The following TBXA2R variants were observed in gnomAD, a reference collection of about 807,000 sequenced individuals.
The protein encoded by TBXA2R is prostanoid TP receptor.
TBXA2R carries 15 observed loss-of-function variants against 15.6 expected under a neutral mutation model. The ratio of observed to expected loss-of-function variants is 0.96; its 90% CI spans 0.64 to 1.48. The LOEUF (loss-of-function observed/expected upper bound fraction) is 1.48, where lower values mean the gene tolerates loss of function less well. Ranked by LOEUF, TBXA2R falls within the 40% of genes most tolerant of loss-of-function variation. The probability of loss-of-function intolerance (pLI) is 0.00; values close to 1 mark genes in which losing one functional copy is unlikely to be tolerated. For synonymous variants in TBXA2R, 280 were observed against 241.2 expected (o/e 1.16, Z -1.49); for missense variants, 506 against 491.4 (o/e 1.03, Z -0.28).
chr19:3,600,350 C>T lies in TBXA2R; in HGVS notation c.285G>A (p.Trp95Ter). 1 of 1,613,292 alleles carries T rather than the reference C, an allele frequency of 6.2e-7. No homozygotes were observed. Among genetic ancestry groups the T allele is most frequent in the Non-Finnish European group, 8.5e-7 (1 of 1,179,838 alleles). Reference sequence around the variant, plus strand: ...GACGGCAGCCAGGGTCCACGGCGTGCCACTCGAAGAGCGCGGCGTGCTGGG... The same window carrying T: ...GACGGCAGCCAGGGTCCACGGCGTGTCACTCGAAGAGCGCGGCGTGCTGGG... ...VVSQHAALFE[W>*]HAVDPGCRLC... Residue 95 changes from tryptophan to a stop codon, truncating the protein, a stop_gained, in exon 2 of 3, where the codon TGG becomes TGA. Transcript: ENST00000375190. LOFTEE classifies it high-confidence loss of function.
At position 3,595,533 on chromosome 19, in the gene TBXA2R, C is replaced by T; in HGVS notation, c.*155G>A. ...AAAGGATCAGGGAGGAGTTGGGGGT[C>T]CCCGGGTTGGATTGGGGTCAACCCA... On this transcript the variant is annotated 3_prime_UTR_variant, in exon 3 of 3. Coordinates refer to ENST00000375190, the MANE Select transcript of TBXA2R (RefSeq NM_001060.6). The T allele has an allele frequency of 7.0e-7, 1 of 1,434,736 alleles. No individual in the cohort carries two copies. Among genetic ancestry groups the T allele is most frequent in the Non-Finnish European group, 9.1e-7 (1 of 1,097,374 alleles). 88.9% of individuals were successfully genotyped at this position (1,434,736 alleles called of 1,614,324 possible).
At chr19:3,596,455 C>G (rs1409894572) in intron 2 of TBXA2R, among the ~76,000 whole-genome samples, 1 of 152,086 alleles carries the variant, frequency 6.6e-6, no homozygotes, top group African/African-American at 2.4e-5. Flanking sequence ...CCTGTGATCT[C>G]AGCACTTTGG....
chr19:3,603,111 G>A (rs991745364), intron 1 of TBXA2R, among the ~76,000 whole-genome samples: 3 of 152,170 alleles, frequency 2.0e-5, no homozygotes, highest in Admixed American at 1.3e-4. Context: ...ACAGCACAGC[G>A]GGCACTCAAT....
intron 1 of TBXA2R, among the ~76,000 whole-genome samples, chr19:3,601,977 TTTG>T (rs2032746465): frequency 6.6e-6 from 1 of 150,902 alleles, no homozygotes; most frequent in Non-Finnish European, 1.5e-5. Flanking sequence ...ATCCCAGCAC[TTTG>T]GGAGGCCGAG....
At chr19:3,604,976 A>T (rs1403133251) in intron 1 of TBXA2R, among the ~76,000 whole-genome samples, 3 of 152,174 alleles carry the variant, frequency 2.0e-5, no homozygotes, top group East Asian at 3.9e-4. Context: ...GCGGAGGCAG[A>T]CACACTCCAC....
intron 1 of TBXA2R, among the ~76,000 whole-genome samples, chr19:3,601,921 C>G (rs1382318228): frequency 6.7e-6 from 1 of 149,266 alleles, no homozygotes; most frequent in Non-Finnish European, 1.5e-5. Context: ...AGCGAGACTC[C>G]ATCTCAAGAA....
chr19:3,600,645 C>T lies in TBXA2R; in HGVS notation c.-11G>A. 6.2e-7 allele frequency: 1 copy of T among 1,611,340 alleles called. No homozygotes were observed. The highest frequency in any genetic ancestry group is 8.5e-7 in the Non-Finnish European group (1 of 1,179,300). ...GCCGTTGGGCCACATGGCTCCGGAG[C>T]CCTGAGGGATCAGTCACCACCCCAT... On this transcript the variant is annotated 5_prime_UTR_variant, in exon 2 of 3. Coordinates refer to ENST00000375190, the MANE Select transcript of TBXA2R (RefSeq NM_001060.6).
chr19:3,597,096 C>T (rs1393695672), intron 2 of TBXA2R, among the ~76,000 whole-genome samples: 1 of 151,634 alleles, frequency 6.6e-6, no homozygotes, highest in Non-Finnish European at 1.5e-5. Flanking sequence ...TGCACCACCA[C>T]ATCTGGCTGA....
rs547404007 is a variant in TBXA2R, at chr19:3,595,778, G to A, written c.942C>T (p.Ala314=). ...DPWVYILFRR[A]VLRRLQPRLS... ...GGCGAGGCTGGAGACGCCGGAGCAC[G>A]GCGCGGCGGAACAGGATATACACCC... Residue 314 remains alanine, a synonymous_variant, in exon 3 of 3, where the codon GCC becomes GCT. Transcript: ENST00000375190. 9 of 1,609,876 alleles carry A rather than the reference G, an allele frequency of 5.6e-6. No individual in the cohort carries two copies. The highest frequency in any genetic ancestry group is 3.3e-5 in the South Asian group (3 of 90,312).
Position 3,600,623 on chromosome 19 carries a change from G to C in TBXA2R, c.12C>G (p.Asn4Lys), listed in dbSNP as rs750609825. The C allele has an allele frequency of 6.2e-7, 1 of 1,612,482 alleles. No homozygotes were observed. The highest frequency in any genetic ancestry group is 8.5e-7 in the Non-Finnish European group (1 of 1,179,824). MWP[N>K]GSSLGPCFRP... ...GGAAACAGGGCCCCAGGGAACTGCC[G>C]TTGGGCCACATGGCTCCGGAGCCCT... Residue 4 changes from asparagine to lysine, a missense_variant, in exon 2 of 3, where the codon AAC (asparagine) becomes AAG (lysine). Asn to Lys is a moderately conservative substitution (Grantham distance 94, BLOSUM62 0). Coordinates refer to ENST00000375190, the MANE Select transcript of TBXA2R (RefSeq NM_001060.6).
At chr19:3,602,861 C>T (rs1160361562) in intron 1 of TBXA2R, among the ~76,000 whole-genome samples, 1 of 151,732 alleles carries the variant, frequency 6.6e-6, no homozygotes, top group African/African-American at 2.4e-5. Flanking sequence ...ACGGTGAAAC[C>T]CCGTCTCTAC....
At chr19:3,595,966 C>CGCCTCCT in intron 2 of TBXA2R, 33 bp from the exon 3 acceptor site, 1 of 1,564,588 alleles carries the variant, frequency 6.4e-7, no homozygotes, top group South Asian at 1.2e-5. Flanking sequence ...CCTGGGCCCC[C>CGCCTCCT]GCCTCCAGCC....
At chr19:3,598,938 G>A (rs2032656162) in intron 2 of TBXA2R, among the ~76,000 whole-genome samples, 1 of 152,288 alleles carries the variant, frequency 6.6e-6, no homozygotes, top group East Asian at 1.9e-4. Context: ...AAAGTGCTGG[G>A]ATTTCAGGCA....
At chr19:3,601,104 A>G (rs2032731633) in intron 1 of TBXA2R, among the ~76,000 whole-genome samples, 1 of 151,940 alleles carries the variant, frequency 6.6e-6, no homozygotes, top group African/African-American at 2.4e-5. Context: ...TAAACCCTGA[A>G]ATCCAGTTCT....
rs747115003 is a variant in TBXA2R at position 3,595,886 on chromosome 19, G to A, written c.834C>T (p.Pro278=). The change falls in exon 3 of 3, where the codon CCC becomes CCT. Residue 278 remains proline (P), a synonymous_variant. Transcript: ENST00000375190. ...CCGTGGTGCGGGACAGCTGCCCGGC[G>A]GGGCTCATGGCAGGCGGGTTTCGCA... ...TVLRNPPAMS[P]AGQLSRTTEK... is the part of the protein sequence containing the mutation. 26 of 1,608,242 alleles carry A rather than the reference G, an allele frequency of 1.6e-5. No individual in the cohort carries two copies. Among genetic ancestry groups the A allele is most frequent in the East Asian group, 8.9e-5 (4 of 44,700 alleles).
intron 1 of TBXA2R, among the ~76,000 whole-genome samples, chr19:3,602,474 C>T (rs779656486): frequency 2.0e-5 from 3 of 152,016 alleles, no homozygotes; most frequent in Non-Finnish European, 2.9e-5. Flanking sequence ...TGGTGGCTCA[C>T]GCCTGTAATC....
At chr19:3,601,086 A>G (rs1317669209) in intron 1 of TBXA2R, among the ~76,000 whole-genome samples, 1 of 151,794 alleles carries the variant, frequency 6.6e-6, no homozygotes, top group African/African-American at 2.4e-5. Context: ...CGGTTTTATA[A>G]TAAGAAATAA....
chr19:3,600,430 C>G lies in TBXA2R; in HGVS notation c.205G>C (p.Gly69Arg), dbSNP rs774991424. The G allele has an allele frequency of 3.1e-6, 5 of 1,613,274 alleles. No individual in the cohort carries two copies. The highest frequency in any genetic ancestry group is 4.2e-6 in the Non-Finnish European group (5 of 1,179,720). Residue 69 changes from glycine (G) to arginine (R), a missense_variant, in exon 2 of 3, where the codon GGC (glycine) becomes CGC (arginine). Physicochemically the swap from Gly to Arg is moderately radical, Grantham distance 125. Transcript: ENST00000375190. The stretch of plus-strand genomic sequence containing the variant: ...CCCAGGAAGTCGGTGAGGACGAGGC[C>G]GCAGAGGAAGGTGAGGAAGGAGGAG... ...TRSSFLTFLC[G>R]LVLTDFLGLL...
chr19:3,595,920 T>A lies in TBXA2R; in HGVS notation c.800A>T (p.Gln267Leu). The A allele has an allele frequency of 6.3e-7, 1 of 1,595,638 alleles. No homozygotes were observed. Among genetic ancestry groups the A allele is most frequent in the Non-Finnish European group, 8.5e-7 (1 of 1,172,276 alleles). ...GGCAGGCGGGTTTCGCAGCACTGTCTGGGCGATGAAGACCTGCAAAGGGGA... is the reference window on the plus strand; with the variant it reads ...GGCAGGCGGGTTTCGCAGCACTGTCAGGGCGATGAAGACCTGCAAAGGGGA... ...CWLPLLVFIA[Q>L]TVLRNPPAMS... The change falls in exon 3 of 3, where the codon CAG (glutamine) becomes CTG (leucine). Residue 267 changes from glutamine (Q) to leucine (L), a missense_variant. By Grantham distance (113) the Gln-to-Leu change is moderately radical. Transcript: ENST00000375190.
Sources: allele counts gnomAD v4.1 joint callset (sites outside exome capture counted in the v4.1 genomes callset), GRCh38; gene constraint gnomAD v4.1.1; transcripts MANE v1.5; gene names NCBI Gene and HGNC (gene_info 2026-07-23, HGNC 2026-07-21).